Variants in GRIN2B observed in about 807,000 individuals in gnomAD.
GRIN2B encodes glutamate receptor ionotropic, NMDA 2B.
In GRIN2B, 5 loss-of-function variants were observed where a neutral mutation model predicts 114.5. The ratio of observed to expected loss-of-function variants is 0.04; its 90% CI spans 0.02 to 0.09. The LOEUF (loss-of-function observed/expected upper bound fraction) is 0.09. Ranked by LOEUF, GRIN2B falls within the 10% of genes least tolerant of loss-of-function variation. GRIN2B has a pLI of 1.00. For synonymous variants in GRIN2B, 787 were observed against 745.1 expected (o/e 1.06, Z -0.92); for missense variants, 1,108 against 1,943.5 (o/e 0.57, Z 8.08).
intron 4 of GRIN2B, among the ~76,000 whole-genome samples, chr12:13,680,436 TTGTGTGTGTGTG>T (rs56755720): frequency 0.021 from 2,542 of 123,552 alleles, 128 homozygotes; most frequent in East Asian, 0.17. Flanking sequence ...CCCATCAAGG[TTGTGTGTGTGTG>T]TGTGTGTGTG....
chr12:13,867,431 G>A (rs184395353), intron 2 of GRIN2B, among the ~76,000 whole-genome samples: 2 of 151,960 alleles, frequency 1.3e-5, no homozygotes, highest in East Asian at 1.9e-4. Flanking sequence ...TGCTTATGTC[G>A]CTTTATTTTA....
chr12:13,660,784 G>A (rs557128746), intron 5 of GRIN2B, among the ~76,000 whole-genome samples: 1 of 152,292 alleles, frequency 6.6e-6, no homozygotes, highest in African/African-American at 2.4e-5. Context: ...AGATACACGT[G>A]TAATTATTGT....
intron 4 of GRIN2B, among the ~76,000 whole-genome samples, chr12:13,737,709 C>T (rs1349843647): frequency 6.6e-6 from 1 of 152,110 alleles, no homozygotes; most frequent in African/African-American, 2.4e-5. Context: ...GGGATTGAAG[C>T]CAATGATAAA....
chr12:13,849,778 C>T (rs1422619911), intron 3 of GRIN2B, among the ~76,000 whole-genome samples: 3 of 152,270 alleles, frequency 2.0e-5, no homozygotes, highest in African/African-American at 7.2e-5. Context: ...CCGACAAATA[C>T]ACACTGAGCA....
At position 13,547,312 on chromosome 12, in the gene GRIN2B, T is replaced by C. The variant is rs1344811180; in HGVS notation, c.*15471A>G. On this transcript the variant is annotated 3_prime_UTR_variant, in exon 14 of 14. Transcript: ENST00000609686. ...AATATAAGTATTTTGGTCTATTTTA[T>C]ATTATAGCTGTCTTTCCTTTTGTGA... The C allele has an allele frequency of 6.6e-6, 1 of 152,130 alleles. No individual in the cohort carries two copies. The highest frequency in any genetic ancestry group is 2.4e-5 in the African/African-American group (1 of 41,418). 9.4% of individuals were successfully genotyped at this position (152,130 alleles called of 1,614,324 possible).
chr12:13,824,427 CT>C (rs1864993148), intron 3 of GRIN2B, among the ~76,000 whole-genome samples: 1 of 152,058 alleles, frequency 6.6e-6, no homozygotes, highest in African/African-American at 2.4e-5. Context: ...TTATAATATT[CT>C]TTTATTAGCC....
At chr12:13,958,895 C>T (rs949450461) in intron 2 of GRIN2B, among the ~76,000 whole-genome samples, 1 of 151,938 alleles carries the variant, frequency 6.6e-6, no homozygotes, top group Non-Finnish European at 1.5e-5. Flanking sequence ...GTTATAGAGA[C>T]GTCATTTATT....
chr12:13,569,528 G>A (rs1002658971), intron 12 of GRIN2B, among the ~76,000 whole-genome samples: 1 of 152,128 alleles, frequency 6.6e-6, no homozygotes. Flanking sequence ...CTATAGGAGA[G>A]GCATGAAACA....
intron 3 of GRIN2B, among the ~76,000 whole-genome samples, chr12:13,846,129 G>T (rs185587525): frequency 2.0e-5 from 3 of 152,124 alleles, no homozygotes; most frequent in Non-Finnish European, 4.4e-5. Context: ...TAAGGGACTT[G>T]CCCAGAGTCA....
At chr12:13,850,299 T>G (rs1020769545) in intron 3 of GRIN2B, among the ~76,000 whole-genome samples, 2 of 152,160 alleles carry the variant, frequency 1.3e-5, no homozygotes, top group Non-Finnish European at 2.9e-5. Context: ...CTCAATTTTA[T>G]TTTCTCCTCA....
intron 3 of GRIN2B, among the ~76,000 whole-genome samples, chr12:13,780,389 T>A (rs983747303): frequency 6.6e-6 from 1 of 152,216 alleles, no homozygotes; most frequent in African/African-American, 2.4e-5. Context: ...ACGTTCATTA[T>A]AATTTACCCT....
rs1388870862 is a variant in GRIN2B, at chr12:13,605,235, C to CACTAATTTCCCAGATGAGCTAGGGAAATG, written c.2010+3339_2010+3367dup. Among the ~76,000 whole-genome samples the CACTAATTTCCCAGATGAGCTAGGGAAATG allele has an allele frequency of 2.6e-5, 4 of 152,168 alleles. No individual in the cohort carries two copies. The East Asian group carries it at 5.8e-4, about 22-fold the overall frequency. On this transcript the variant is annotated intron_variant, in intron 10 of 13. Transcript: ENST00000609686. ...GATTTGAATAGTTGCCATAATAGAG[C>CACTAATTTCCCAGATGAGCTAGGGAAATG]ACTAATTTCCCAGATGAGCTAGGGA... is the stretch of plus-strand genomic sequence containing the variant.
At chr12:13,689,318 T>C (rs1950196145) in intron 4 of GRIN2B, among the ~76,000 whole-genome samples, 1 of 152,182 alleles carries the variant, frequency 6.6e-6, no homozygotes, top group South Asian at 2.1e-4. Flanking sequence ...CTCAATGAGT[T>C]AAAACTTATG....
At chr12:13,689,247 C>T (rs1175235721) in intron 4 of GRIN2B, among the ~76,000 whole-genome samples, 1 of 152,116 alleles carries the variant, frequency 6.6e-6, no homozygotes, top group African/African-American at 2.4e-5. Flanking sequence ...ACTCTTAGTG[C>T]CTGAAATTGA....
At chr12:13,702,609 A>T (rs1160914123) in intron 4 of GRIN2B, among the ~76,000 whole-genome samples, 1 of 152,156 alleles carries the variant, frequency 6.6e-6, no homozygotes, top group Non-Finnish European at 1.5e-5. Flanking sequence ...CGGGGGGTCC[A>T]TACACAATTA....
At chr12:13,760,641 C>G (rs1353600076) in intron 3 of GRIN2B, among the ~76,000 whole-genome samples, 1 of 152,018 alleles carries the variant, frequency 6.6e-6, no homozygotes, top group Non-Finnish European at 1.5e-5. Flanking sequence ...GTAGGCTTTC[C>G]CTGAGACTTT....
chr12:13,696,828 A>G (rs941574128), intron 4 of GRIN2B, among the ~76,000 whole-genome samples: 4 of 152,112 alleles, frequency 2.6e-5, no homozygotes, highest in African/African-American at 9.7e-5. Context: ...ACCAAAATCA[A>G]CAGATAACTC....
At chr12:13,675,346 A>G (rs1364026231) in intron 5 of GRIN2B, among the ~76,000 whole-genome samples, 1 of 152,128 alleles carries the variant, frequency 6.6e-6, no homozygotes, top group African/African-American at 2.4e-5. Flanking sequence ...TTCAATCACA[A>G]TAAGTCTAAA....
At chr12:13,652,271 C>T (rs527498813) in intron 5 of GRIN2B, among the ~76,000 whole-genome samples, 24 of 151,972 alleles carry the variant, frequency 1.6e-4, no homozygotes, top group African/African-American at 5.8e-4. Context: ...TGTGGAGAGG[C>T]TCTCTGTATC....
Sources: allele counts gnomAD v4.1 joint callset (sites outside exome capture counted in the v4.1 genomes callset), GRCh38; gene constraint gnomAD v4.1.1; transcripts MANE v1.5; gene names NCBI Gene and HGNC (gene_info 2026-07-23, HGNC 2026-07-21).